Variants in MSH3 observed in about 807,000 individuals in gnomAD.
MSH3 encodes the protein mutS homolog 3, also known as DNA mismatch repair protein Msh3.
In MSH3, 106 loss-of-function variants were observed where a neutral mutation model predicts 123.3. The ratio of observed to expected loss-of-function variants is 0.86; its 90% CI spans 0.73 to 1.01. The LOEUF is 1.01. MSH3 is among the 50% of genes least tolerant of loss of function. MSH3 has a pLI of 0.00. For synonymous variants in MSH3, 515 were observed against 481.4 expected, an observed-to-expected ratio of 1.07 and a Z score of -0.91; for missense variants, 1,459 against 1,347.6, an observed-to-expected ratio of 1.08 and a Z score of -1.29.
intron 12 of MSH3, among the ~76,000 whole-genome samples, chr5:80,757,790 A>C (rs755341326): frequency 1.3e-5 from 2 of 152,064 alleles, no homozygotes; most frequent in Non-Finnish European, 2.9e-5. Flanking sequence ...ATAATTCTCT[A>C]TTGTGTGGCC....
chr5:80,868,126 G>A (rs1746136884), intron 22 of MSH3, among the ~76,000 whole-genome samples: 1 of 152,174 alleles, frequency 6.6e-6, no homozygotes, highest in Non-Finnish European at 1.5e-5. Flanking sequence ...AATAACAGGT[G>A]CTGGTGAGGT....
At chr5:80,727,406 A>G (rs936304495) in intron 9 of MSH3, among the ~76,000 whole-genome samples, 1 of 152,224 alleles carries the variant, frequency 6.6e-6, no homozygotes, top group East Asian at 1.9e-4. Flanking sequence ...ATCTTGTAAT[A>G]TATGTTTTTT....
chr5:80,865,526 A>G (rs1457813448), intron 22 of MSH3, among the ~76,000 whole-genome samples: 3 of 152,130 alleles, frequency 2.0e-5, no homozygotes, highest in South Asian at 2.1e-4. Flanking sequence ...TAGAGCTGCT[A>G]TGGAGGAAAT....
At chr5:80,735,680 G>A in intron 10 of MSH3, among the ~76,000 whole-genome samples, 1 of 152,066 alleles carries the variant, frequency 6.6e-6, no homozygotes, top group Non-Finnish European at 1.5e-5. Flanking sequence ...GACAGAGCGA[G>A]ACTCCATCTC....
At chr5:80,867,045 C>CT (rs1746112809) in intron 22 of MSH3, among the ~76,000 whole-genome samples, 1 of 152,220 alleles carries the variant, frequency 6.6e-6, no homozygotes, top group African/African-American at 2.4e-5. Flanking sequence ...GAACTGGCTG[C>CT]TGTCTGGGCC....
At chr5:80,827,899 G>T (rs1287461085) in intron 20 of MSH3, among the ~76,000 whole-genome samples, 1 of 152,088 alleles carries the variant, frequency 6.6e-6, no homozygotes, top group African/African-American at 2.4e-5. Flanking sequence ...TTTTAAAAAA[G>T]ACTTTAATTT....
At chr5:80,672,894 A>G in intron 6 of MSH3, 36 bp downstream of exon 6, 1 of 1,462,566 alleles carries the variant, frequency 6.8e-7, no homozygotes, top group Non-Finnish European at 9.6e-7. Context: ...CTCTTAAATG[A>G]TACAAGGGCT....
At chr5:80,679,396 C>T (rs552241653) in intron 8 of MSH3, among the ~76,000 whole-genome samples, 81 of 152,198 alleles carry the variant, frequency 5.3e-4, no homozygotes, top group Admixed American at 9.2e-4. Context: ...ACACCACCTA[C>T]CCCTACTATC....
intron 3 of MSH3, among the ~76,000 whole-genome samples, chr5:80,668,463 C>T (rs1749621449): frequency 1.3e-5 from 2 of 152,108 alleles, no homozygotes; most frequent in Non-Finnish European, 1.5e-5. Flanking sequence ...TGCCCTCAGC[C>T]CTCTCCTTGG....
intron 20 of MSH3, among the ~76,000 whole-genome samples, chr5:80,830,313 T>C (rs942143231): frequency 2.6e-5 from 4 of 152,220 alleles, no homozygotes; most frequent in African/African-American, 9.6e-5. Context: ...CCTTGAACTC[T>C]TATTTTTAAG....
At chr5:80,673,000 T>G (rs1446364214) in intron 6 of MSH3, 142 bp downstream of exon 6, 11 of 727,680 alleles carry the variant, frequency 1.5e-5, no homozygotes, top group African/African-American at 1.0e-4. Context: ...AACCCTTGAT[T>G]AGGTGTGCTA....
rs560238820 is a variant in MSH3, at chr5:80,750,701, C to T, written c.1763+6086C>T. Among the ~76,000 whole-genome samples the T allele has an allele frequency of 1.4e-4, 22 of 152,228 alleles. No individual in the cohort carries two copies. The South Asian group carries it at 4.2e-3, about 29-fold the overall frequency. On this transcript the variant is annotated intron_variant, in intron 12 of 23. Coordinates refer to ENST00000265081, the MANE Select transcript of MSH3 (RefSeq NM_002439.5). ...TGTCTGTTTACTCTGTTCATTGTTT[C>T]CTTTGCTGTGCAGATTTTTAGTTTG...
intron 19 of MSH3, among the ~76,000 whole-genome samples, chr5:80,810,446 T>C (rs1744991613): frequency 6.6e-6 from 1 of 152,026 alleles, no homozygotes; most frequent in Admixed American, 6.6e-5. Context: ...GGTAGATGCT[T>C]AAAAGAGGAA....
chr5:80,813,252 G>A (rs1235949764), intron 19 of MSH3, among the ~76,000 whole-genome samples: 1 of 152,148 alleles, frequency 6.6e-6, no homozygotes, highest in Non-Finnish European at 1.5e-5. Flanking sequence ...TTTTAAGATG[G>A]ACAAATGGAA....
At chr5:80,783,517 G>C (rs1744444884) in intron 17 of MSH3, among the ~76,000 whole-genome samples, 1 of 152,122 alleles carries the variant, frequency 6.6e-6, no homozygotes, top group African/African-American at 2.4e-5. Flanking sequence ...ATCAGAAAGA[G>C]CATTGTTGTT....
chr5:80,820,944 C>T (rs1274632896), intron 20 of MSH3, among the ~76,000 whole-genome samples: 1 of 152,018 alleles, frequency 6.6e-6, no homozygotes, highest in Non-Finnish European at 1.5e-5. Flanking sequence ...GACTCTGGTC[C>T]CTAAAGTGGG....
chr5:80,814,763 A>G (rs1292987041), intron 20 of MSH3, among the ~76,000 whole-genome samples: 1 of 152,218 alleles, frequency 6.6e-6, no homozygotes, highest in East Asian at 1.9e-4. Context: ...CATTGGACCA[A>G]GATCATTTTG....
intron 1 of MSH3, chr5:80,655,459 A>G (rs1749253205): frequency 4.7e-6 from 1 of 214,462 alleles, no homozygotes; most frequent in Non-Finnish European, 9.4e-6. Context: ...TCCCCAGTGA[A>G]CTCTTTTTGT....
In MSH3 at chr5:80,786,098, T is replaced by A. The variant is rs6151837; in HGVS notation, c.2436-1467T>A. On this transcript the variant is annotated intron_variant, in intron 17 of 23. Coordinates refer to ENST00000265081, the MANE Select transcript of MSH3 (RefSeq NM_002439.5). Reference sequence around the variant, plus strand: ...CATGGCACATGTATACATATGTAACTAACCTGCACATTGTGCACATGTACC... The same window carrying A: ...CATGGCACATGTATACATATGTAACAAACCTGCACATTGTGCACATGTACC... Among the ~76,000 whole-genome samples, 281 of 152,140 alleles carry A rather than the reference T, an allele frequency of 1.8e-3. 10 individuals carry two copies. The East Asian group carries it at 0.049, about 26-fold the overall frequency.
Sources: allele counts gnomAD v4.1 joint callset (sites outside exome capture counted in the v4.1 genomes callset), GRCh38; gene constraint gnomAD v4.1.1; transcripts MANE v1.5; gene names NCBI Gene and HGNC (gene_info 2026-07-23, HGNC 2026-07-21).